Variants in RHOJ observed in about 807,000 individuals in gnomAD.
RHOJ encodes rho-related GTP-binding protein RhoJ.
In RHOJ, 11 loss-of-function variants were observed where a neutral mutation model predicts 23.4. The ratio of observed to expected loss-of-function variants is 0.47; its 90% CI spans 0.30 to 0.78. The LOEUF is 0.78. RHOJ is among the 30% of genes least tolerant of loss of function. The pLI, the probability that RHOJ is intolerant of heterozygous loss-of-function variation, is 0.08. For synonymous variants in RHOJ, 102 were observed against 102.7 expected (o/e 0.99, Z 0.04); for missense variants, 254 against 273.4 (o/e 0.93, Z 0.50).
chr14:63,288,193 T>A (rs1403189631), intron 4 of RHOJ: 1 of 985,434 alleles, frequency 1.0e-6, no homozygotes, highest in Non-Finnish European at 1.2e-6. Flanking sequence ...TTCAGAAATG[T>A]CTGAATTGGA....
chr14:63,276,216 G>T (rs1317283052), intron 2 of RHOJ, among the ~76,000 whole-genome samples: 1 of 152,132 alleles, frequency 6.6e-6, no homozygotes, highest in Non-Finnish European at 1.5e-5. Flanking sequence ...TCGGTGGGGG[G>T]GGGCGGGGGC....
Position 63,204,964 on chromosome 14 carries a change from TG to T in RHOJ, c.99del (p.Thr35ProfsTer4), listed in dbSNP as rs775766401. 3.3e-5 allele frequency: 53 copies of T among 1,614,084 alleles called. No individual in the cohort carries two copies. The highest frequency in any genetic ancestry group is 4.3e-5 in the Non-Finnish European group (51 of 1,180,018). On this transcript the variant is annotated frameshift_variant, in exon 1 of 5. Transcript: ENST00000316754. LOFTEE classifies it high-confidence loss of function. ...LKCVVVGDGA[V>X]GKTCLLMSYA... ...TGTGTGGTGGTGGGGGACGGTGCCG[TG>T]GGGAAAACCTGCCTGCTGATGAGCT...
At chr14:63,235,558 T>C (rs1243324929) in intron 1 of RHOJ, among the ~76,000 whole-genome samples, 2 of 152,186 alleles carry the variant, frequency 1.3e-5, no homozygotes, top group African/African-American at 2.4e-5. Flanking sequence ...AAAGAGAAAG[T>C]ATTTGTGGGA....
At chr14:63,278,027 G>C (rs959155479) in intron 2 of RHOJ, among the ~76,000 whole-genome samples, 1 of 148,330 alleles carries the variant, frequency 6.7e-6, no homozygotes, top group African/African-American at 2.6e-5. Flanking sequence ...TGGCTGAGAT[G>C]CAACCCAGTA....
chr14:63,272,919 G>A (rs4902220), intron 2 of RHOJ, among the ~76,000 whole-genome samples: 152,197 of 152,314 alleles, frequency 1, 76,040 homozygotes, highest in Non-Finnish European at 1. Flanking sequence ...GCTACTTGGG[G>A]GGCTGAGGCA....
At chr14:63,280,263 G>A (rs1319339376) in intron 2 of RHOJ, among the ~76,000 whole-genome samples, 1 of 152,108 alleles carries the variant, frequency 6.6e-6, no homozygotes, top group Non-Finnish European at 1.5e-5. Flanking sequence ...GGAATCAGGT[G>A]ATCCTCCCGC....
chr14:63,213,157 G>A (rs1438539908), intron 1 of RHOJ, among the ~76,000 whole-genome samples: 3 of 152,206 alleles, frequency 2.0e-5, no homozygotes, highest in East Asian at 3.8e-4. Context: ...TTTAGATTTA[G>A]AGGGTACATG....
intron 1 of RHOJ, among the ~76,000 whole-genome samples, chr14:63,240,240 G>A (rs1235627580): frequency 6.6e-6 from 1 of 152,124 alleles, no homozygotes; most frequent in African/African-American, 2.4e-5. Flanking sequence ...TTTCTTTCTG[G>A]AATAGCCTAA....
At chr14:63,241,737 C>T (rs895934046) in intron 1 of RHOJ, among the ~76,000 whole-genome samples, 2 of 152,156 alleles carry the variant, frequency 1.3e-5, no homozygotes, top group Admixed American at 6.5e-5. Context: ...AAAGCCCCAT[C>T]GGCACTGGTT....
At chr14:63,242,429 C>T (rs1472901285) in intron 1 of RHOJ, among the ~76,000 whole-genome samples, 27 of 152,096 alleles carry the variant, frequency 1.8e-4, no homozygotes, top group Admixed American at 1.6e-3. Context: ...ATTAGCCAGA[C>T]GTGGTGGTAC....
intron 3 of RHOJ, among the ~76,000 whole-genome samples, chr14:63,282,529 C>G (rs1359232864): frequency 2.6e-5 from 4 of 152,020 alleles, no homozygotes; most frequent in African/African-American, 9.7e-5. Flanking sequence ...AAAGTTCTAC[C>G]TTTGAAAAGA....
intron 1 of RHOJ, among the ~76,000 whole-genome samples, chr14:63,245,294 T>TC (rs1555346422): frequency 6.8e-6 from 1 of 147,014 alleles, no homozygotes; most frequent in Non-Finnish European, 1.5e-5. Context: ...CTTGCTTCAT[T>TC]AAAAAAAAAA....
intron 1 of RHOJ, among the ~76,000 whole-genome samples, chr14:63,223,164 CA>C (rs1313109847): frequency 6.6e-6 from 1 of 152,150 alleles, no homozygotes; most frequent in Non-Finnish European, 1.5e-5. Flanking sequence ...GCACTTTCTC[CA>C]AGTTTTATCC....
At chr14:63,230,719 A>G (rs1894676321) in intron 1 of RHOJ, among the ~76,000 whole-genome samples, 1 of 148,058 alleles carries the variant, frequency 6.8e-6, no homozygotes, top group Admixed American at 6.7e-5. Context: ...ACACACACAC[A>G]TACACACTTC....
chr14:63,242,818 T>C (rs561564564), intron 1 of RHOJ, among the ~76,000 whole-genome samples: 1 of 152,328 alleles, frequency 6.6e-6, no homozygotes, highest in African/African-American at 2.4e-5. Context: ...CAACCAGTTA[T>C]GTTAAGGACG....
At chr14:63,227,175 C>A (rs1439868811) in intron 1 of RHOJ, among the ~76,000 whole-genome samples, 1 of 152,152 alleles carries the variant, frequency 6.6e-6, no homozygotes, top group East Asian at 1.9e-4. Flanking sequence ...TGGTCTCGAA[C>A]TCCTGGCCTC....
In RHOJ at chr14:63,204,780, C is replaced by A. The variant is rs144933537; in HGVS notation, c.-90C>A. 66 of 1,350,734 alleles carry A rather than the reference C, an allele frequency of 4.9e-5. No individual in the cohort carries two copies. The East Asian group carries it at 1.5e-3, about 30-fold the overall frequency. 83.7% of individuals were successfully genotyped at this position (1,350,734 alleles called of 1,614,324 possible). On this transcript the variant is annotated 5_prime_UTR_variant, in exon 1 of 5. Transcript: ENST00000316754. ...CAAAGTCAGACAGAGTAAACTCAAG[C>A]CTGGCACTGGCTTTCTGCCGCTTCA...
chr14:63,211,188 AG>A lies in RHOJ; in HGVS notation c.178+6146del, dbSNP rs558069513. Among the ~76,000 whole-genome samples the A allele has an allele frequency of 3.5e-3, 526 of 152,150 alleles. 2 individuals carry two copies. Among genetic ancestry groups the A allele is most frequent in the African/African-American group, 0.011 (460 of 41,516 alleles). On this transcript the variant is annotated intron_variant, in intron 1 of 4. Coordinates refer to ENST00000316754, the MANE Select transcript of RHOJ (RefSeq NM_020663.5). Reference sequence around the variant, plus strand: ...GGAGTGGGAAACAGGTCCAATCCACAGGGGGAAAAAATAACATAATTATAAT... The same window carrying A: ...GGAGTGGGAAACAGGTCCAATCCACAGGGGAAAAAATAACATAATTATAAT...
At chr14:63,248,870 G>A (rs1266905218) in intron 1 of RHOJ, among the ~76,000 whole-genome samples, 4 of 152,138 alleles carry the variant, frequency 2.6e-5, no homozygotes, top group African/African-American at 9.7e-5. Context: ...AGCAGCTCCT[G>A]GAGCTGCCTC....
Sources: gnomAD v4.1 joint callset for allele counts (sites outside exome capture counted in the v4.1 genomes callset) on GRCh38, gnomAD v4.1.1 for gene constraint, MANE v1.5 for transcripts, NCBI Gene and HGNC (gene_info 2026-07-23, HGNC 2026-07-21) for gene names.